Variants in ADAMTS9 observed in about 807,000 individuals in gnomAD.
The protein encoded by ADAMTS9 is A disintegrin and metalloproteinase with thrombospondin motifs 9.
ADAMTS9 carries 107 observed loss-of-function variants against 257.1 expected under a neutral mutation model. That is an observed-to-expected ratio of 0.42 (90% confidence interval 0.36 to 0.49). ADAMTS9 has a LOEUF of 0.49. Among genes scored for constraint, ADAMTS9 ranks in the 20% least tolerant of loss-of-function variants. ADAMTS9 has a pLI of 0.03. For missense variants in ADAMTS9, 2,353 were observed against 2,469.1 expected (o/e 0.95, Z 1.00); for synonymous variants, 982 against 880.9 (o/e 1.11, Z -2.03).
chr3:64,592,939 G>A (rs1003536588), intron 28 of ADAMTS9, among the ~76,000 whole-genome samples: 6 of 152,106 alleles, frequency 3.9e-5, no homozygotes, highest in African/African-American at 1.4e-4. Context: ...AATAGGAGAT[G>A]AGGGAAGTTG....
chr3:64,632,305 G>A (rs1261034429), intron 14 of ADAMTS9, among the ~76,000 whole-genome samples: 1 of 152,110 alleles, frequency 6.6e-6, no homozygotes, highest in Non-Finnish European at 1.5e-5. Flanking sequence ...AAGGGAATAG[G>A]TAAGAACTGT....
intron 22 of ADAMTS9, among the ~76,000 whole-genome samples, chr3:64,613,120 G>C (rs910227708): frequency 7.2e-5 from 11 of 152,152 alleles, no homozygotes; most frequent in African/African-American, 2.4e-4. Flanking sequence ...AGATAGGCAC[G>C]TGGGTCTGTA....
intron 12 of ADAMTS9, among the ~76,000 whole-genome samples, chr3:64,639,312 TAAAAAAAA>T (rs761906399): frequency 2.2e-5 from 2 of 89,252 alleles, no homozygotes; most frequent in African/African-American, 9.6e-5. Flanking sequence ...TTTTTTTTTT[TAAAAAAAA>T]AAAAAAAAAA....
At position 64,517,416 on chromosome 3, in the gene ADAMTS9, GTT is replaced by G. The variant is rs755480110; in HGVS notation, c.*6-297_*6-296del. 5.7e-4 allele frequency among the ~76,000 whole-genome samples: 30 copies of G among 52,662 alleles called. 1 individual carries two copies. The highest frequency in any genetic ancestry group is 1.5e-3 in the South Asian group (1 of 648). The allele number at this position is 52,662 out of a possible 152,430, so 34.5% of individuals were successfully genotyped here. ...CATCAAGCCCAGCTAATTAAAAATG[GTT>G]TTTTTTTTTTTTTTTTTTTTTGCAG... is the stretch of plus-strand genomic sequence containing the variant. On this transcript the variant is annotated intron_variant, in intron 39 of 39. Coordinates refer to ENST00000498707, the MANE Select transcript of ADAMTS9 (RefSeq NM_182920.2).
intron 10 of ADAMTS9, among the ~76,000 whole-genome samples, chr3:64,648,931 A>G (rs1700863462): frequency 6.6e-6 from 1 of 152,214 alleles, no homozygotes; most frequent in South Asian, 2.1e-4. Flanking sequence ...TATTATTTCC[A>G]TGGAATACTA....
intron 12 of ADAMTS9, among the ~76,000 whole-genome samples, chr3:64,634,091 A>C (rs1700436520): frequency 6.6e-6 from 1 of 151,976 alleles, no homozygotes; most frequent in South Asian, 2.1e-4. Context: ...TGGCCTCCGC[A>C]ATCTTCCCTT....
chr3:64,603,304 A>G (rs1452896175), intron 25 of ADAMTS9, among the ~76,000 whole-genome samples: 2 of 152,188 alleles, frequency 1.3e-5, no homozygotes, highest in Non-Finnish European at 2.9e-5. Context: ...TTATTGAGAT[A>G]TTAATCTCCA....
At chr3:64,656,859 G>A (rs1466874392) in intron 4 of ADAMTS9, among the ~76,000 whole-genome samples, 1 of 152,068 alleles carries the variant, frequency 6.6e-6, no homozygotes, top group Non-Finnish European at 1.5e-5. Flanking sequence ...AAGGGGGGAA[G>A]AAGAAACCCT....
At chr3:64,630,678 AAT>A (rs1700346940) in intron 16 of ADAMTS9, among the ~76,000 whole-genome samples, 1 of 152,196 alleles carries the variant, frequency 6.6e-6, no homozygotes, top group Admixed American at 6.5e-5. Flanking sequence ...TGCTGGGCTT[AAT>A]ACCTAGGTGA....
intron 34 of ADAMTS9, 30 bp from the exon 35 acceptor site, chr3:64,541,444 T>C (rs1440752923): frequency 6.2e-7 from 1 of 1,611,928 alleles, no homozygotes; most frequent in East Asian, 2.2e-5. Context: ...CCATGAAGAG[T>C]GGCTCAGAAA....
chr3:64,616,257 A>C (rs1019992196), intron 19 of ADAMTS9, 87 bp from the exon 20 acceptor site: 2 of 1,425,950 alleles, frequency 1.4e-6, no homozygotes, highest in Non-Finnish European at 2.0e-6. Flanking sequence ...AGAAGAGTTG[A>C]GTTCTTTTTT....
At chr3:64,518,740 G>A (rs903992319) in intron 39 of ADAMTS9, among the ~76,000 whole-genome samples, 3 of 150,266 alleles carry the variant, frequency 2.0e-5, no homozygotes, top group East Asian at 2.0e-4. Context: ...GAGTTCTGCC[G>A]AGGGAATTTA....
At chr3:64,559,107 G>C (rs921250670) in intron 30 of ADAMTS9, among the ~76,000 whole-genome samples, 1 of 152,178 alleles carries the variant, frequency 6.6e-6, no homozygotes, top group Admixed American at 6.5e-5. Flanking sequence ...ATAAAAGTAG[G>C]AAGAATTAAT....
intron 28 of ADAMTS9, among the ~76,000 whole-genome samples, chr3:64,575,901 T>C (rs2083831177): frequency 6.6e-6 from 1 of 152,228 alleles, no homozygotes; most frequent in Non-Finnish European, 1.5e-5. Context: ...AGAATATCTC[T>C]TAACACGAAG....
chr3:64,653,658 TAAGTA>T (rs2106953816), intron 8 of ADAMTS9, among the ~76,000 whole-genome samples: 2 of 152,314 alleles, frequency 1.3e-5, no homozygotes, highest in South Asian at 4.1e-4. Context: ...ATAGATAGTA[TAAGTA>T]ATTTAATCAT....
chr3:64,521,434 T>C (rs2082850104), intron 39 of ADAMTS9: 1 of 152,136 alleles, frequency 6.6e-6, no homozygotes, highest in Non-Finnish European at 1.5e-5. Flanking sequence ...CAGCAATCCA[T>C]TACTGGGTAT....
At chr3:64,546,172 T>C (rs2083195938) in intron 32 of ADAMTS9, among the ~76,000 whole-genome samples, 1 of 152,166 alleles carries the variant, frequency 6.6e-6, no homozygotes, top group Non-Finnish European at 1.5e-5. Context: ...ATAACCTAAG[T>C]GCTTTTTATA....
intron 28 of ADAMTS9, among the ~76,000 whole-genome samples, chr3:64,578,826 T>C (rs975101369): frequency 1.3e-5 from 2 of 152,144 alleles, no homozygotes; most frequent in East Asian, 3.9e-4. Context: ...AGCTAATCCT[T>C]TGGCACTATC....
In ADAMTS9 at chr3:64,687,761, C is replaced by T; in HGVS notation, c.-104G>A. 2.3e-6 allele frequency: 2 copies of T among 862,906 alleles called. No homozygotes were observed. Among genetic ancestry groups the T allele is most frequent in the East Asian group, 3.3e-5 (1 of 30,142 alleles). 53.5% of individuals were successfully genotyped at this position (862,906 alleles called of 1,614,324 possible). A position where few individuals can be genotyped will look rare whatever the true frequency, so the allele number is the denominator to read the frequency against. On this transcript the variant is annotated 5_prime_UTR_variant, in exon 1 of 40. Coordinates refer to ENST00000498707, the MANE Select transcript of ADAMTS9 (RefSeq NM_182920.2). The surrounding 1 kb of genome is among the most constrained non-coding windows in gnomAD (Gnocchi z 4.4). The stretch of plus-strand genomic sequence containing the variant: ...GCGGCCGTGGAGAGCGCGCGGAGCC[C>T]GGCGCCCGCCGCCAACTTTTGACTT...
Sources: gnomAD v4.1 joint callset for allele counts (sites outside exome capture counted in the v4.1 genomes callset) on GRCh38, gnomAD v4.1.1 for gene constraint, Gnocchi (gnomAD v3.1) non-coding constraint, MANE v1.5 for transcripts, NCBI Gene and HGNC (gene_info 2026-07-23, HGNC 2026-07-21) for gene names.